Variants in NFIB observed in about 807,000 individuals in gnomAD.
The protein encoded by NFIB is nuclear factor 1 B-type.
In NFIB, 11 loss-of-function variants were observed where a neutral mutation model predicts 61.5. The observed-to-expected ratio is 0.18, with a 90% CI of 0.11 to 0.30. The LOEUF (loss-of-function observed/expected upper bound fraction) is 0.30. Ranked by LOEUF, NFIB falls within the 10% of genes least tolerant of loss-of-function variation. NFIB has a pLI of 1.00. For synonymous variants in NFIB, 260 were observed against 216.5 expected, an observed-to-expected ratio of 1.20 and a Z score of -1.76; for missense variants, 471 against 608.9, an observed-to-expected ratio of 0.77 and a Z score of 2.38.
the NFIB span, among the ~76,000 whole-genome samples, chr9:14,448,153 A>G: frequency 6.6e-6 from 1 of 152,204 alleles, no homozygotes; most frequent in South Asian, 2.1e-4. Context: ...TGGATCACAG[A>G]AAAGTGACTG....
the NFIB span, among the ~76,000 whole-genome samples, chr9:14,458,124 T>C: frequency 1.3e-5 from 2 of 152,180 alleles, no homozygotes; most frequent in Non-Finnish European, 2.9e-5. Context: ...CTCAATAAAA[T>C]ACTGGCAAAC....
the NFIB span, among the ~76,000 whole-genome samples, chr9:14,531,653 G>C: frequency 1.3e-5 from 2 of 150,892 alleles, no homozygotes; most frequent in Non-Finnish European, 2.9e-5. Flanking sequence ...ACAGCAGCCG[G>C]CCTGGGACCG....
intron 10 of NFIB, among the ~76,000 whole-genome samples, chr9:14,111,326 T>C (rs1347407685): frequency 6.6e-6 from 1 of 152,094 alleles, no homozygotes; most frequent in Admixed American, 6.6e-5. Context: ...GATAAGAAAA[T>C]TAAAGCTGCC....
chr9:14,136,596 T>C (rs992608350), intron 6 of NFIB, among the ~76,000 whole-genome samples: 1 of 152,222 alleles, frequency 6.6e-6, no homozygotes, highest in Non-Finnish European at 1.5e-5. Flanking sequence ...TCAAGGTTTT[T>C]GTTGTTACTA....
intron 2 of NFIB, among the ~76,000 whole-genome samples, chr9:14,244,514 T>G (rs189473893): frequency 1.3e-4 from 20 of 152,284 alleles, no homozygotes; most frequent in Non-Finnish European, 4.4e-5. Context: ...ATGAGTATAG[T>G]AAGCTTTACC....
upstream of NFIB, among the ~76,000 whole-genome samples, chr9:14,402,180 T>C (rs192042293): frequency 3.1e-4 from 47 of 152,274 alleles, no homozygotes; most frequent in Admixed American, 3.1e-3. Flanking sequence ...GCAAAAATCA[T>C]CCGGCTTAGA....
intron 2 of NFIB, chr9:14,204,567 A>T (rs922360210): frequency 2.7e-5 from 37 of 1,358,298 alleles, no homozygotes; most frequent in Non-Finnish European, 3.6e-5. Flanking sequence ...CCAGAGACAA[A>T]GCAAGAGAAG....
chr9:14,499,520 C>T, the NFIB span, among the ~76,000 whole-genome samples: 22 of 152,168 alleles, frequency 1.4e-4, no homozygotes, highest in Non-Finnish European at 1.5e-5. Context: ...TGACTGGTCC[C>T]TAACATTGTG....
intron 1 of NFIB, among the ~76,000 whole-genome samples, chr9:14,342,172 C>T (rs894476998): frequency 2.3e-4 from 35 of 152,150 alleles, no homozygotes; most frequent in Non-Finnish European, 3.5e-4. Flanking sequence ...GGGTCTCTCT[C>T]ATTAACCATT....
chr9:14,314,707 T>G (rs1027979695), upstream of NFIB: 1 of 24,402 alleles, frequency 4.1e-5, no homozygotes. Flanking sequence ...CCCCCCCACC[T>G]TCCTCCTCCT....
At chr9:14,428,206 A>G in the NFIB span, among the ~76,000 whole-genome samples, 9 of 151,970 alleles carry the variant, frequency 5.9e-5, no homozygotes, top group Non-Finnish European at 1.0e-4. Context: ...TCAGCCTCCC[A>G]AAGTGCTGGG....
At chr9:14,372,693 G>T (rs1012429188) in intron 1 of NFIB, among the ~76,000 whole-genome samples, 20 of 152,282 alleles carry the variant, frequency 1.3e-4, no homozygotes, top group African/African-American at 4.6e-4. Flanking sequence ...GGAAACATCT[G>T]TTATAACATG....
intron 1 of NFIB, among the ~76,000 whole-genome samples, chr9:14,331,782 C>A (rs977340474): frequency 6.6e-6 from 1 of 152,132 alleles, no homozygotes; most frequent in Non-Finnish European, 1.5e-5. Context: ...GAAAATCATG[C>A]CTGCTTCAGT....
At chr9:14,268,188 G>A (rs932714056) in intron 2 of NFIB, among the ~76,000 whole-genome samples, 38 of 151,578 alleles carry the variant, frequency 2.5e-4, no homozygotes, top group African/African-American at 8.0e-4. Flanking sequence ...TATTTTACAT[G>A]AAAATTTAAA....
At chr9:14,226,540 C>T (rs1401825870) in intron 2 of NFIB, among the ~76,000 whole-genome samples, 1 of 146,202 alleles carries the variant, frequency 6.8e-6, no homozygotes, top group African/African-American at 2.5e-5. Context: ...AGAGCAAGAC[C>T]CTATCTCAGA....
At chr9:14,433,283 C>G in the NFIB span, among the ~76,000 whole-genome samples, 1 of 152,048 alleles carries the variant, frequency 6.6e-6, no homozygotes, top group Non-Finnish European at 1.5e-5. Flanking sequence ...AATTTTTTTG[C>G]CATATATGGA....
chr9:14,318,009 A>G (rs1001254506), upstream of NFIB, among the ~76,000 whole-genome samples: 2 of 152,166 alleles, frequency 1.3e-5, no homozygotes, highest in Non-Finnish European at 2.9e-5. Flanking sequence ...GTACTTACCA[A>G]TCCTAAACTC....
chr9:14,494,882 C>T, the NFIB span, among the ~76,000 whole-genome samples: 4 of 152,210 alleles, frequency 2.6e-5, no homozygotes, highest in Non-Finnish European at 5.9e-5. Flanking sequence ...ACTCACTGCA[C>T]TCATTAATTC....
At chr9:14,138,236 A>C (rs2041292967) in intron 6 of NFIB, among the ~76,000 whole-genome samples, 1 of 152,184 alleles carries the variant, frequency 6.6e-6, no homozygotes, top group South Asian at 2.1e-4. Flanking sequence ...GGAAGGGCTC[A>C]ATAAATAAAT....
Sources: allele counts gnomAD v4.1 joint callset (sites outside exome capture counted in the v4.1 genomes callset), GRCh38; gene constraint gnomAD v4.1.1; transcripts MANE v1.5; gene names NCBI Gene and HGNC (gene_info 2026-07-23, HGNC 2026-07-21).